CAPN15: variants seen among roughly 807,000 people sequenced by gnomAD.
CAPN15 encodes the protein calpain 15, also known as calpain-15.
Under a neutral mutation model 97.9 loss-of-function variants are expected in CAPN15, and 53 were observed. The ratio of observed to expected loss-of-function variants is 0.54; its 90% CI spans 0.43 to 0.68. The LOEUF (loss-of-function observed/expected upper bound fraction) is 0.68. Among genes scored for constraint, CAPN15 ranks in the 30% least tolerant of loss-of-function variants. The pLI, the probability that CAPN15 is intolerant of heterozygous loss-of-function variation, is 0.00. For synonymous variants in CAPN15, 922 were observed against 722.5 expected (o/e 1.28, Z -4.43); for missense variants, 1,592 against 1,589.8 (o/e 1.00, Z -0.02).
intron 6 of CAPN15, 39 bp downstream of exon 6, chr16:549,510 A>C: frequency 7.0e-7 from 1 of 1,429,572 alleles, no homozygotes; most frequent in Non-Finnish European, 9.3e-7. Flanking sequence ...CGGCAGGGGC[A>C]GCCTCTGACC....
In CAPN15 at chr16:551,682, C is replaced by CA; in HGVS notation, c.2345+18_2345+19insA. On this transcript the variant is annotated intron_variant, in intron 9 of 13. Transcript: ENST00000219611. ...TTTGTCAGGTATCGGCACCGTGGGG[C>CA]GGTGTGCACGCCGCCCCCGCCCTCC... 1 of 1,582,202 alleles carries CA rather than the reference C, an allele frequency of 6.3e-7. No homozygotes were observed. Among genetic ancestry groups the CA allele is most frequent in the Admixed American group, 1.7e-5 (1 of 59,574 alleles).
chr16:551,204 C>CTG, intron 7 of CAPN15, 98 bp from the exon 8 acceptor site: 2 of 1,424,970 alleles, frequency 1.4e-6, no homozygotes, highest in African/African-American at 3.7e-5. Context: ...CGGTGAGGGT[C>CTG]CCCAGTCGGT....
chr16:549,555 C>G, intron 6 of CAPN15, 60 bp from the exon 7 acceptor site: 1 of 1,497,650 alleles, frequency 6.7e-7, no homozygotes, highest in Non-Finnish European at 8.9e-7. Flanking sequence ...GCTTCCTCTT[C>G]TCCCAGGGCG....
chr16:551,424 C>G lies in CAPN15; in HGVS notation c.2189C>G (p.Thr730Ser), dbSNP rs781378615. ...SILDVRDVQG[T>S]RLLRLRNPWG... The stretch of plus-strand genomic sequence containing the variant: ...CTGGATGTCCGAGATGTCCAGGGCA[C>G]CAGGTAGGGCCGGCCTGGCTGAGGG... The change falls in exon 8 of 14, where the codon ACC (threonine) becomes AGC (serine). Residue 730 changes from threonine (T) to serine (S), a missense_variant. Physicochemically the swap from Thr to Ser is moderately conservative, Grantham distance 58. This residue lies in a region of CAPN15 where 644 missense variants were observed against 699.6 expected (regional missense o/e 0.92). Coordinates refer to ENST00000219611, the MANE Select transcript of CAPN15 (RefSeq NM_005632.3). 10 of 1,605,636 alleles carry G rather than the reference C, an allele frequency of 6.2e-6. No homozygotes were observed. In the Admixed American group the frequency reaches 1.3e-4, roughly 21 times the overall value.
intron 3 of CAPN15, chr16:539,779 G>A (rs949306987): frequency 1.8e-4 from 27 of 152,366 alleles, no homozygotes; most frequent in Non-Finnish European, 2.9e-4. Context: ...TTGGGTAGAC[G>A]TTCTCTTGAC....
chr16:541,319 C>T (rs2034095329), intron 3 of CAPN15, among the ~76,000 whole-genome samples: 1 of 152,184 alleles, frequency 6.6e-6, no homozygotes, highest in Non-Finnish European at 1.5e-5. Context: ...AGCCCTGGAG[C>T]CCTGTCTGCG....
At chr16:548,911 C>T in intron 4 of CAPN15, 82 bp from the exon 5 acceptor site, 1 of 1,314,742 alleles carries the variant, frequency 7.6e-7, no homozygotes, top group African/African-American at 1.4e-5. Flanking sequence ...CTTTTGGGCG[C>T]TCTCCTGGGT....
In CAPN15 at chr16:547,060, G is replaced by T. The variant is rs555913862; in HGVS notation, c.222G>T (p.Ala74=). ...TGTGCGGCTTCACCCCGGAGCCTGC[G>T]CCTGGGGCTGCCTTCCTGCCAGTCC... is the stretch of plus-strand genomic sequence containing the variant. ...CEVCGFTPEP[A]PGAAFLPVLN... is the part of the protein sequence containing the mutation. The change falls in exon 4 of 14, where the codon GCG becomes GCT. Residue 74 remains alanine (A), a synonymous_variant. Transcript: ENST00000219611. 4.4e-6 allele frequency: 7 copies of T among 1,601,714 alleles called. No individual in the cohort carries two copies. In the East Asian group the frequency reaches 1.3e-4, roughly 31 times the overall value.
Position 534,004 on chromosome 16 carries a change from T to G in CAPN15, c.-137+6T>G, listed in dbSNP as rs1382900429. On this transcript the variant is annotated splice_donor_region_variant and intron_variant, in intron 2 of 13. Coordinates refer to ENST00000219611, the MANE Select transcript of CAPN15 (RefSeq NM_005632.3). ...GGAGCTTGCTGCAGCTTCAGGTGAG[T>G]TTGTTCCCAAGCCCTGCGGCTCGTT... 20 of 984,802 alleles carry G rather than the reference T, an allele frequency of 2.0e-5. No homozygotes were observed. The highest frequency in any genetic ancestry group is 2.4e-5 in the Non-Finnish European group (20 of 829,594). The allele number at this position is 984,802 out of a possible 1,614,324, so 61.0% of individuals were successfully genotyped here. A position where few individuals can be genotyped will look rare whatever the true frequency, so the allele number is the denominator to read the frequency against.
chr16:533,050 G>T (rs760144569), intron 1 of CAPN15, among the ~76,000 whole-genome samples: 1 of 151,112 alleles, frequency 6.6e-6, no homozygotes. Flanking sequence ...GTGAAACCTC[G>T]TCTTTACTAA....
Position 551,419 on chromosome 16 carries a change from G to C in CAPN15, c.2184G>C (p.Gln728His), listed in dbSNP as rs1323457508. 3.1e-6 allele frequency: 5 copies of C among 1,607,982 alleles called. No individual in the cohort carries two copies. The highest frequency in any genetic ancestry group is 4.2e-6 in the Non-Finnish European group (5 of 1,176,522). The change falls in exon 8 of 14, where the codon CAG becomes CAC. Residue 728 changes from glutamine to histidine, a missense_variant. This residue lies in a region of CAPN15 where 644 missense variants were observed against 699.6 expected (regional missense o/e 0.92). Coordinates refer to ENST00000219611, the MANE Select transcript of CAPN15 (RefSeq NM_005632.3). ...AYSILDVRDV[Q>H]GTRLLRLRNP... ...CCATCCTGGATGTCCGAGATGTCCA[G>C]GGCACCAGGTAGGGCCGGCCTGGCT...
At position 536,466 on chromosome 16, in the gene CAPN15, C is replaced by A. The variant is rs1009401283; in HGVS notation, c.-23+324C>A. ...GAGACGGAGTCTCGCTCTGTCGCCC[C>A]GGCTGGAGTGCAGTGGCGCGGTCTC... On this transcript the variant is annotated intron_variant, in intron 3 of 13. Transcript: ENST00000219611. 4.0e-5 allele frequency among the ~76,000 whole-genome samples: 6 copies of A among 151,778 alleles called. No homozygotes were observed. In the East Asian group the frequency reaches 7.8e-4, roughly 20 times the overall value.
In CAPN15 at chr16:552,288, G is replaced by C; in HGVS notation, c.2508-13G>C. ...TGACCACGCGTGACCCTGGCCCGTG[G>C]TGTCTGGCGCAGGCGCTCGGACGCC... On this transcript the variant is annotated splice_polypyrimidine_tract_variant and intron_variant, in intron 10 of 13. Coordinates refer to ENST00000219611, the MANE Select transcript of CAPN15 (RefSeq NM_005632.3). The surrounding 1 kb of genome is among the most constrained non-coding windows in gnomAD (Gnocchi z 6.4). The C allele has an allele frequency of 6.5e-7, 1 of 1,545,032 alleles. No homozygotes were observed. The highest frequency in any genetic ancestry group is 8.7e-7 in the Non-Finnish European group (1 of 1,148,374).
At chr16:544,411 C>G (rs2034385596) in intron 3 of CAPN15, among the ~76,000 whole-genome samples, 1 of 152,022 alleles carries the variant, frequency 6.6e-6, no homozygotes, top group East Asian at 1.9e-4. Flanking sequence ...CAGCTTCCTG[C>G]TCCTCACTTT....
intron 1 of CAPN15, among the ~76,000 whole-genome samples, chr16:531,552 A>G (rs1056694173): frequency 2.0e-5 from 3 of 152,226 alleles, no homozygotes; most frequent in Non-Finnish European, 4.4e-5. Context: ...TGATGGGGAA[A>G]GAGGTGCCAC....
chr16:537,076 G>A (rs2033786758), intron 3 of CAPN15: 3 of 933,990 alleles, frequency 3.2e-6, no homozygotes, highest in Non-Finnish European at 3.8e-6. Flanking sequence ...CCCCGGAGAG[G>A]GCTTAACAGA....
At chr16:528,502 G>A (rs2033014774) in intron 1 of CAPN15, among the ~76,000 whole-genome samples, 1 of 152,196 alleles carries the variant, frequency 6.6e-6, no homozygotes, top group African/African-American at 2.4e-5. Context: ...AGGGGCTGGC[G>A]GGAGCCCCGT....
rs1432418778 is a variant in CAPN15, at chr16:552,500, C to T, written c.2707C>T (p.Pro903Ser). ...VVCCAFNHWG[P>S]PLPGTPAPQA... is the part of the protein sequence containing the mutation. ...GTGCTGCGCCTTCAACCACTGGGGGCCGCCCCTGCCGGGCACCCCTGCCCC... is the reference window on the plus strand; with the variant it reads ...GTGCTGCGCCTTCAACCACTGGGGGTCGCCCCTGCCGGGCACCCCTGCCCC... The change falls in exon 11 of 14, where the codon CCG (proline) becomes TCG (serine). Residue 903 changes from proline to serine, a missense_variant. This residue lies in a region of CAPN15 where 644 missense variants were observed against 699.6 expected (regional missense o/e 0.92). Coordinates refer to ENST00000219611, the MANE Select transcript of CAPN15 (RefSeq NM_005632.3). This position sits in a 1 kb window ranked among gnomAD's most constrained non-coding sequence, Gnocchi z 6.4. 1 of 1,605,456 alleles carries T rather than the reference C, an allele frequency of 6.2e-7. No individual in the cohort carries two copies. Among genetic ancestry groups the T allele is most frequent in the East Asian group, 2.2e-5 (1 of 44,816 alleles).
chr16:544,231 C>T lies in CAPN15; in HGVS notation c.-22-2586C>T, dbSNP rs1056070807. On this transcript the variant is annotated intron_variant, in intron 3 of 13. Transcript: ENST00000219611. ...GAGCAGAGCCCCCCATGGTATCCCC[C>T]GCCCTGGGCACAGCAGGAGGAGCTG... Among the ~76,000 whole-genome samples, 10 of 152,280 alleles carry T rather than the reference C, an allele frequency of 6.6e-5. No homozygotes were observed. The South Asian group carries it at 8.3e-4, about 13-fold the overall frequency.
Sources: gnomAD v4.1 joint callset for allele counts (sites outside exome capture counted in the v4.1 genomes callset) on GRCh38, gnomAD v4.1.1 for gene constraint, gnomAD v4.1.1 regional missense constraint, Gnocchi (gnomAD v3.1) non-coding constraint, MANE v1.5 for transcripts, NCBI Gene and HGNC (gene_info 2026-07-23, HGNC 2026-07-21) for gene names.